Variants in TSPAN15 observed in about 807,000 individuals in gnomAD.
TSPAN15 encodes the protein tetraspanin 15.
A neutral mutation model predicts 34.5 loss-of-function variants in TSPAN15; 20 were observed. The ratio of observed to expected loss-of-function variants is 0.58; its 90% CI spans 0.41 to 0.84. TSPAN15 has a LOEUF of 0.84. Among genes scored for constraint, TSPAN15 ranks in the 40% least tolerant of loss-of-function variants. The pLI is 0.00. For missense variants in TSPAN15, 313 were observed against 386.1 expected (o/e 0.81, Z 1.59); for synonymous variants, 155 against 153.9 (o/e 1.01, Z -0.05).
At chr10:69,537,948 G>A in the TSPAN15 span, among the ~76,000 whole-genome samples, 1 of 152,240 alleles carries the variant, frequency 6.6e-6, no homozygotes, top group African/African-American at 2.4e-5. Context: ...GAGGCTGGAA[G>A]TCTGAGATCA....
chr10:69,543,702 CG>C, the TSPAN15 span, among the ~76,000 whole-genome samples: 1 of 152,180 alleles, frequency 6.6e-6, no homozygotes, highest in South Asian at 2.1e-4. Flanking sequence ...TCCTCCCTGG[CG>C]GTGGTCCGGA....
chr10:69,493,509 G>A (rs1241882929), intron 3 of TSPAN15, among the ~76,000 whole-genome samples: 1 of 124,284 alleles, frequency 8.0e-6, no homozygotes, highest in Non-Finnish European at 1.6e-5. Flanking sequence ...GTCTTGCTCT[G>A]TCACCCAGTC....
rs146517122 is a variant in TSPAN15, at chr10:69,476,739, C to T, written c.97-6952C>T. On this transcript the variant is annotated intron_variant, in intron 1 of 7. Transcript: ENST00000373290. ...TACTAGTGACAAAGACAAGTGAATG[C>T]GCCTTTGCTGGCGGCAGGAGGCAGC... 5.0e-3 allele frequency among the ~76,000 whole-genome samples: 766 copies of T among 152,192 alleles called. 5 individuals carry two copies. Among genetic ancestry groups the T allele is most frequent in the African/African-American group, 0.017 (717 of 41,530 alleles).
At chr10:69,535,369 T>G in the TSPAN15 span, among the ~76,000 whole-genome samples, 4 of 152,156 alleles carry the variant, frequency 2.6e-5, no homozygotes, top group Non-Finnish European at 5.9e-5. Flanking sequence ...GGGTAATAAT[T>G]ATAATGGACT....
At chr10:69,546,007 A>C in the TSPAN15 span, among the ~76,000 whole-genome samples, 1 of 151,772 alleles carries the variant, frequency 6.6e-6, no homozygotes, top group Non-Finnish European at 1.5e-5. Context: ...AAACAAAAAA[A>C]CCAAACAAAC....
At chr10:69,512,213 T>G (rs995674264), downstream of TSPAN15, among the ~76,000 whole-genome samples, 2 of 152,190 alleles carry the variant, frequency 1.3e-5, no homozygotes, top group African/African-American at 4.8e-5. Context: ...CTTGGCCTCT[T>G]GTCTCACAAG....
At chr10:69,500,884 T>TC (rs547360971) in intron 5 of TSPAN15, among the ~76,000 whole-genome samples, 134 of 152,166 alleles carry the variant, frequency 8.8e-4, no homozygotes, top group African/African-American at 3.1e-3. Context: ...ACCTAAGGGC[T>TC]CCCCACAGCA....
At position 69,452,280 on chromosome 10, in the gene TSPAN15, C is replaced by T. The variant is rs115158507; in HGVS notation, c.96+590C>T. ...TTCCGCTGTCGCTGGGCTTTACCTC[C>T]TCCTCTGCCTTGTTAGGGGGCAGGA... On this transcript the variant is annotated intron_variant, in intron 1 of 7. Transcript: ENST00000373290. Among the ~76,000 whole-genome samples the T allele has an allele frequency of 7.5e-3, 1,146 of 152,338 alleles. 15 individuals are homozygous for T. The highest frequency in any genetic ancestry group is 0.038 in the South Asian group (185 of 4,832).
chr10:69,486,811 A>G (rs894862513), intron 3 of TSPAN15, among the ~76,000 whole-genome samples: 1 of 152,192 alleles, frequency 6.6e-6, no homozygotes, highest in Non-Finnish European at 1.5e-5. Flanking sequence ...AAGTCTACAA[A>G]CCTGGAATCC....
chr10:69,527,662 G>A, the TSPAN15 span, among the ~76,000 whole-genome samples: 312 of 147,608 alleles, frequency 2.1e-3, 23 homozygotes, highest in African/African-American at 7.4e-3. Flanking sequence ...ATCCTGGGCT[G>A]CATGCAACCT....
chr10:69,467,559 A>G (rs1361665256), intron 1 of TSPAN15, among the ~76,000 whole-genome samples: 1 of 152,040 alleles, frequency 6.6e-6, no homozygotes, highest in African/African-American at 2.4e-5. Flanking sequence ...GGCTGCAGTG[A>G]GCTATGATCA....
intron 1 of TSPAN15, among the ~76,000 whole-genome samples, chr10:69,469,471 CAG>C (rs1841460713): frequency 6.6e-6 from 1 of 152,134 alleles, no homozygotes; most frequent in South Asian, 2.1e-4. Flanking sequence ...TCTTTTGAGA[CAG>C]AGTCTTACTC....
At chr10:69,459,123 A>AAAC (rs1325420792) in intron 1 of TSPAN15, among the ~76,000 whole-genome samples, 1 of 56,842 alleles carries the variant, frequency 1.8e-5, no homozygotes, top group East Asian at 2.7e-4. Flanking sequence ...AAAAAAAAAA[A>AAAC]AACAACAACA....
chr10:69,502,263 A>G (rs1842226179), intron 5 of TSPAN15, among the ~76,000 whole-genome samples: 1 of 152,214 alleles, frequency 6.6e-6, no homozygotes, highest in Non-Finnish European at 1.5e-5. Context: ...AAATCTGGTT[A>G]TACCAGGATA....
At chr10:69,458,672 T>C (rs1841170250) in intron 1 of TSPAN15, among the ~76,000 whole-genome samples, 1 of 151,988 alleles carries the variant, frequency 6.6e-6, no homozygotes, top group Admixed American at 6.5e-5. Context: ...GGTCCTCCCC[T>C]CCCCCAGTCT....
At chr10:69,477,962 T>C (rs564757437) in intron 1 of TSPAN15, among the ~76,000 whole-genome samples, 1 of 152,342 alleles carries the variant, frequency 6.6e-6, no homozygotes, top group Admixed American at 6.5e-5. Context: ...ATAATCACTA[T>C]AAGAGCCAAC....
chr10:69,508,440 C>CAAAAAAA (rs71009229), downstream of TSPAN15, among the ~76,000 whole-genome samples: 25 of 62,174 alleles, frequency 4.0e-4, no homozygotes, highest in Non-Finnish European at 5.0e-4. Context: ...GACTCCATCT[C>CAAAAAAA]AAAAAAAAAA....
intron 1 of TSPAN15, among the ~76,000 whole-genome samples, chr10:69,465,802 G>C (rs1182270446): frequency 6.6e-6 from 1 of 152,206 alleles, no homozygotes; most frequent in Non-Finnish European, 1.5e-5. Context: ...GGGATGGGTG[G>C]TTTGGTCATT....
the TSPAN15 span, among the ~76,000 whole-genome samples, chr10:69,546,942 A>C: frequency 1.3e-5 from 2 of 152,202 alleles, no homozygotes; most frequent in East Asian, 3.9e-4. Flanking sequence ...TCAGGAGTTC[A>C]AAACCAGCCT....
Sources: gnomAD v4.1 joint callset for allele counts (sites outside exome capture counted in the v4.1 genomes callset) on GRCh38, gnomAD v4.1.1 for gene constraint, MANE v1.5 for transcripts, NCBI Gene and HGNC (gene_info 2026-07-23, HGNC 2026-07-21) for gene names.